Variants in PPP5C observed in about 807,000 individuals in gnomAD.
The protein encoded by PPP5C is serine/threonine-protein phosphatase 5.
PPP5C carries 21 observed loss-of-function variants against 66.7 expected under a neutral mutation model. That is an observed-to-expected ratio of 0.31 (90% CI 0.22 to 0.45). PPP5C has a LOEUF of 0.45. PPP5C is among the 20% of genes least tolerant of loss of function. PPP5C has a pLI of 1.00. For synonymous variants in PPP5C, 246 were observed against 257.4 expected (o/e 0.96, Z 0.43); for missense variants, 464 against 675.9 (o/e 0.69, Z 3.48).
chr19:46,347,702 C>T (rs1972108346), intron 1 of PPP5C, among the ~76,000 whole-genome samples: 1 of 150,610 alleles, frequency 6.6e-6, no homozygotes, highest in African/African-American at 2.5e-5. Context: ...TTGGGCTGAC[C>T]CGAGGAAAAG....
At chr19:46,369,277 C>T (rs761099392) in intron 2 of PPP5C, among the ~76,000 whole-genome samples, 1 of 152,188 alleles carries the variant, frequency 6.6e-6, no homozygotes, top group Non-Finnish European at 1.5e-5. Context: ...GCCTGTACAG[C>T]ATGTTACTTT....
chr19:46,365,837 A>G (rs1972481624), intron 2 of PPP5C, among the ~76,000 whole-genome samples: 1 of 152,198 alleles, frequency 6.6e-6, no homozygotes, highest in African/African-American at 2.4e-5. Flanking sequence ...TTTAAAAAGC[A>G]TGCTGTCTAA....
At chr19:46,362,482 C>T (rs1972408623) in intron 2 of PPP5C, among the ~76,000 whole-genome samples, 1 of 152,060 alleles carries the variant, frequency 6.6e-6, no homozygotes, top group Admixed American at 6.5e-5. Flanking sequence ...ACCCTAAGGG[C>T]ATAATTACCA....
intron 2 of PPP5C, among the ~76,000 whole-genome samples, chr19:46,363,373 AAAAGATTT>A (rs1972433257): frequency 9.5e-6 from 1 of 104,802 alleles, no homozygotes; most frequent in Admixed American, 9.2e-5. Context: ...TTTATTTGCC[AAAAGATTT>A]ACTGATTTAC....
At position 46,388,869 on chromosome 19, in the gene PPP5C, G is replaced by A; in HGVS notation, c.1355+138G>A. 1.9e-6 allele frequency: 2 copies of A among 1,080,176 alleles called. No homozygotes were observed. Among genetic ancestry groups the A allele is most frequent in the African/African-American group, 1.6e-5 (1 of 63,674 alleles). The allele number at this position is 1,080,176 out of a possible 1,614,324, so 66.9% of individuals were successfully genotyped here. ...AAGAACATGACGAACACCCCCGTAT[G>A]TGTCACCCACCCATGCAGCACCAGT... On this transcript the variant is annotated intron_variant, in intron 11 of 12. Coordinates refer to ENST00000012443, the MANE Select transcript of PPP5C (RefSeq NM_006247.4). The surrounding 1 kb of genome is among the most constrained non-coding windows in gnomAD (Gnocchi z 4.9).
Position 46,388,670 on chromosome 19 carries a change from G to C in PPP5C, c.1294G>C (p.Glu432Gln), listed in dbSNP as rs765309737. The change falls in exon 11 of 13, where the codon GAG (glutamate) becomes CAG (glutamine). Residue 432 changes from glutamate to glutamine, a missense_variant. Coordinates refer to ENST00000012443, the MANE Select transcript of PPP5C (RefSeq NM_006247.4). This position sits in a 1 kb window ranked among gnomAD's most constrained non-coding sequence, Gnocchi z 4.9. ...YIIRSHEVKA[E>Q]GYEVAHGGRC... is the part of the protein sequence containing the mutation. ...CATCCGCAGCCACGAAGTCAAGGCC[G>C]AGGGCTACGAGGTGGCTCACGGAGG... 1 of 1,614,062 alleles carries C rather than the reference G, an allele frequency of 6.2e-7. No individual in the cohort carries two copies. The highest frequency in any genetic ancestry group is 1.1e-5 in the South Asian group (1 of 91,090).
At chr19:46,387,906 G>A (rs1440710780) in intron 9 of PPP5C, 17 of 351,978 alleles carry the variant, frequency 4.8e-5, no homozygotes, top group Non-Finnish European at 8.4e-5. Flanking sequence ...CTGACACTGC[G>A]GGAAGCAGAG....
chr19:46,384,112 G>A (rs1251685066), intron 6 of PPP5C: 1 of 543,096 alleles, frequency 1.8e-6, no homozygotes, highest in Admixed American at 3.4e-5. Context: ...TAAGCTGGTA[G>A]CTCAGTCTCT....
At position 46,383,079 on chromosome 19, in the gene PPP5C, C is replaced by A; in HGVS notation, c.634-332C>A. ...ACTCTTTTATGACAGTGACATTGCG[C>A]TGTGTCCAGGCCAGTTCTTTTATAA... On this transcript the variant is annotated intron_variant, in intron 4 of 12. Coordinates refer to ENST00000012443, the MANE Select transcript of PPP5C (RefSeq NM_006247.4). This position sits in a 1 kb window ranked among gnomAD's most constrained non-coding sequence, Gnocchi z 5.0. 1 of 1,148,748 alleles carries A rather than the reference C, an allele frequency of 8.7e-7. No homozygotes were observed. The highest frequency in any genetic ancestry group is 1.6e-5 in the African/African-American group (1 of 62,438). The allele number at this position is 1,148,748 out of a possible 1,614,324, so 71.2% of individuals were successfully genotyped here.
At chr19:46,357,578 G>A (rs1326018992) in intron 2 of PPP5C, among the ~76,000 whole-genome samples, 1 of 152,172 alleles carries the variant, frequency 6.6e-6, no homozygotes, top group Non-Finnish European at 1.5e-5. Context: ...TATTTCTGAT[G>A]CTGATCACAA....
intron 2 of PPP5C, among the ~76,000 whole-genome samples, chr19:46,365,683 C>T (rs746099337): frequency 6.6e-6 from 1 of 152,164 alleles, no homozygotes; most frequent in Non-Finnish European, 1.5e-5. Context: ...AAGACTCCAA[C>T]ACGTCATGCA....
In PPP5C at chr19:46,390,619, G is replaced by A. The variant is rs1601451552; in HGVS notation, c.*273G>A. ...CATTCTGTGGGGAGGCCGTCCTCGG[G>A]GTGGGGTGGGGCCGAGTGGCTGCCC... On this transcript the variant is annotated 3_prime_UTR_variant, in exon 13 of 13. Coordinates refer to ENST00000012443, the MANE Select transcript of PPP5C (RefSeq NM_006247.4). 1 of 1,333,722 alleles carries A rather than the reference G, an allele frequency of 7.5e-7. No homozygotes were observed. The highest frequency in any genetic ancestry group is 3.1e-5 in the East Asian group (1 of 32,274). The allele number at this position is 1,333,722 out of a possible 1,614,324, so 82.6% of individuals were successfully genotyped here.
chr19:46,387,018 C>A, intron 7 of PPP5C, 75 bp from the exon 8 acceptor site: 1 of 1,605,132 alleles, frequency 6.2e-7, no homozygotes, highest in Non-Finnish European at 8.5e-7. Flanking sequence ...CAGTTCTGGG[C>A]CTTGAGGGTG....
rs1568576929 is a variant in PPP5C, at chr19:46,384,797, A to G, written c.799-7A>G. ...CCACGCTTGCCATGTTTTCCTCAGCAGGACAGATATTTAATGGTGACTTTG... is the reference window on the plus strand; with the variant it reads ...CCACGCTTGCCATGTTTTCCTCAGCGGGACAGATATTTAATGGTGACTTTG... On this transcript the variant is annotated splice_region_variant and splice_polypyrimidine_tract_variant and intron_variant, in intron 6 of 12. Transcript: ENST00000012443. 48 of 1,607,612 alleles carry G rather than the reference A, an allele frequency of 3.0e-5. No individual in the cohort carries two copies. Among genetic ancestry groups the G allele is most frequent in the Non-Finnish European group, 3.9e-5 (46 of 1,174,384 alleles).
chr19:46,375,522 G>T, intron 2 of PPP5C, 82 bp from the exon 3 acceptor site: 1 of 1,550,538 alleles, frequency 6.4e-7, no homozygotes, highest in Non-Finnish European at 8.7e-7. Flanking sequence ...CACTTTCATG[G>T]AACCCAGGGC....
Position 46,376,741 on chromosome 19 carries a change from A to C in PPP5C, c.633+167A>C. ...TGCCGAGGGCTTACCACATGATCTC[A>C]TCTCGTCCCACAGCAGTTTGGGGAG... is the stretch of plus-strand genomic sequence containing the variant. On this transcript the variant is annotated intron_variant, in intron 4 of 12. Coordinates refer to ENST00000012443, the MANE Select transcript of PPP5C (RefSeq NM_006247.4). This position sits in a 1 kb window ranked among gnomAD's most constrained non-coding sequence, Gnocchi z 5.1. The C allele has an allele frequency of 6.3e-5, 59 of 939,346 alleles. No individual in the cohort carries two copies. The highest frequency in any genetic ancestry group is 8.0e-5 in the Non-Finnish European group (52 of 651,092). 58.2% of individuals were successfully genotyped at this position (939,346 alleles called of 1,614,324 possible).
Position 46,390,935 on chromosome 19 carries a change from C to T in PPP5C, c.*589C>T. On this transcript the variant is annotated 3_prime_UTR_variant, in exon 13 of 13. Coordinates refer to ENST00000012443, the MANE Select transcript of PPP5C (RefSeq NM_006247.4). Reference sequence around the variant, plus strand: ...GGAGATCCGGAGGGTGGGGAGGCCGCAAAGTCCCGCTGGCCGGGCCCACCC... The same window carrying T: ...GGAGATCCGGAGGGTGGGGAGGCCGTAAAGTCCCGCTGGCCGGGCCCACCC... 2.6e-6 allele frequency: 3 copies of T among 1,174,772 alleles called. No homozygotes were observed. Among genetic ancestry groups the T allele is most frequent in the Admixed American group, 7.3e-5 (2 of 27,492 alleles). The allele number at this position is 1,174,772 out of a possible 1,614,324, so 72.8% of individuals were successfully genotyped here. A position where few individuals can be genotyped will look rare whatever the true frequency, so the allele number is the denominator to read the frequency against.
At chr19:46,348,891 A>G (rs1215069312) in intron 1 of PPP5C, among the ~76,000 whole-genome samples, 2 of 152,180 alleles carry the variant, frequency 1.3e-5, no homozygotes, top group Non-Finnish European at 2.9e-5. Context: ...AGCACTGGCC[A>G]TTGGCTTTGG....
chr19:46,380,544 T>C (rs1424536934), intron 4 of PPP5C, among the ~76,000 whole-genome samples: 1 of 152,248 alleles, frequency 6.6e-6, no homozygotes, highest in Non-Finnish European at 1.5e-5. Context: ...TGAGTTTCTA[T>C]CTGGTATCAT....
Sources: gnomAD v4.1 joint callset for allele counts (sites outside exome capture counted in the v4.1 genomes callset) on GRCh38, gnomAD v4.1.1 for gene constraint, Gnocchi (gnomAD v3.1) non-coding constraint, MANE v1.5 for transcripts, NCBI Gene and HGNC (gene_info 2026-07-23, HGNC 2026-07-21) for gene names.